Variants in LAMA4 observed in about 807,000 individuals in gnomAD.
LAMA4 encodes laminin subunit alpha-4.
Under a neutral mutation model 207.1 loss-of-function variants are expected in LAMA4, and 127 were observed. The ratio of observed to expected loss-of-function variants is 0.61; its 90% CI spans 0.53 to 0.71. The LOEUF is 0.71. Among genes scored for constraint, LAMA4 ranks in the 30% least tolerant of loss-of-function variants. The pLI is 0.00. For synonymous variants in LAMA4, 761 were observed against 816.0 expected, an observed-to-expected ratio of 0.93 and a Z score of 1.15; for missense variants, 2,093 against 2,246.5, an observed-to-expected ratio of 0.93 and a Z score of 1.38.
At chr6:112,218,524 C>G (rs535460894) in intron 2 of LAMA4, 24 of 152,210 alleles carry the variant, frequency 1.6e-4, no homozygotes, top group Non-Finnish European at 2.6e-4. Context: ...ATTGGGAGCC[C>G]ACAGAATATA....
chr6:112,253,750 G>A (rs1787632851), intron 2 of LAMA4: 1 of 1,613,664 alleles, frequency 6.2e-7, no homozygotes, highest in Non-Finnish European at 8.5e-7. Flanking sequence ...GACACATTCC[G>A]AAGCCTCAAC....
chr6:112,165,320 T>C (rs1554339645), intron 12 of LAMA4, 44 bp from the exon 13 acceptor site: 3 of 1,295,896 alleles, frequency 2.3e-6, no homozygotes, highest in Non-Finnish European at 3.4e-6. Flanking sequence ...AATATGTCTT[T>C]AGGGAAAGCG....
At chr6:112,112,438 A>G (rs1204398526) in intron 38 of LAMA4, among the ~76,000 whole-genome samples, 1 of 152,186 alleles carries the variant, frequency 6.6e-6, no homozygotes, top group Non-Finnish European at 1.5e-5. Flanking sequence ...CTTGCATGCT[A>G]TGGTGAATTT....
In LAMA4 at chr6:112,179,688, C is replaced by T. The variant is rs1782231690; in HGVS notation, c.1078-1456G>A. On this transcript the variant is annotated intron_variant, in intron 9 of 38. Coordinates refer to ENST00000230538, the MANE Select transcript of LAMA4 (RefSeq NM_001105206.3). Reference sequence around the variant, plus strand: ...ACGTTTTTACACTCTCCAGGAATAACCCAAGCAAGTGGCCCTCTCAGATGG... The same window carrying T: ...ACGTTTTTACACTCTCCAGGAATAATCCAAGCAAGTGGCCCTCTCAGATGG... 1.4e-5 allele frequency: 3 copies of T among 221,596 alleles called. No individual in the cohort carries two copies. In the South Asian group the frequency reaches 1.8e-4, roughly 13 times the overall value. 13.7% of individuals were successfully genotyped at this position (221,596 alleles called of 1,614,324 possible). A position where few individuals can be genotyped will look rare whatever the true frequency, so the allele number is the denominator to read the frequency against.
chr6:112,210,100 G>GT (rs1463414692), intron 3 of LAMA4, among the ~76,000 whole-genome samples: 1 of 151,914 alleles, frequency 6.6e-6, no homozygotes, highest in Non-Finnish European at 1.5e-5. Context: ...CATCATGATT[G>GT]TAAGTTTCCT....
chr6:112,131,013 T>C lies in LAMA4; in HGVS notation c.3923A>G (p.Asn1308Ser). 6.2e-7 allele frequency: 1 copy of C among 1,613,166 alleles called. No homozygotes were observed. The highest frequency in any genetic ancestry group is 1.1e-5 in the South Asian group (1 of 91,050). The change falls in exon 29 of 39, where the codon AAT becomes AGT. Residue 1308 changes from asparagine to serine, a missense_variant. Around this residue, in one of 3 missense-constraint regions of LAMA4, gnomAD observed 1,704 missense variants for 1,788.4 expected, o/e 0.95. Coordinates refer to ENST00000230538, the MANE Select transcript of LAMA4 (RefSeq NM_001105206.3). ...IKVQSVDKQY[N>S]DGLSHFVISS... ...AATGACGAAGTGGGACAGCCCATCA[T>C]TGTACTGCTTATCTACTGACTGAAC...
chr6:112,237,379 T>C (rs1786008659), intron 2 of LAMA4, among the ~76,000 whole-genome samples: 2 of 152,208 alleles, frequency 1.3e-5, no homozygotes, highest in African/African-American at 4.8e-5. Flanking sequence ...AGTAACATTT[T>C]GGAGACTAGT....
chr6:112,223,858 A>G (rs116511291), intron 2 of LAMA4, among the ~76,000 whole-genome samples: 3 of 152,212 alleles, frequency 2.0e-5, no homozygotes, highest in Admixed American at 1.3e-4. Flanking sequence ...CCAAACTTCT[A>G]TTGTACCCTC....
chr6:112,187,519 C>A lies in LAMA4; in HGVS notation c.897G>T (p.Leu299=), dbSNP rs1562709748. 6.2e-7 allele frequency: 1 copy of A among 1,614,132 alleles called. No homozygotes were observed. The highest frequency in any genetic ancestry group is 1.7e-5 in the Admixed American group (1 of 60,034). ...GAGCGGCGGCCCCAGAGGATACGCT[C>A]AGCACCCCGGATTTGCCTTCCTCGA... ...LSIEEGKSGV[L]SVSSGAAAHR... Residue 299 remains leucine (L), a synonymous_variant, in exon 8 of 39, where the codon CTG becomes CTT. Transcript: ENST00000230538.
intron 5 of LAMA4, among the ~76,000 whole-genome samples, chr6:112,196,880 G>T (rs1466554686): frequency 1.3e-5 from 2 of 152,186 alleles, no homozygotes; most frequent in Non-Finnish European, 2.9e-5. Flanking sequence ...ATGCCAGATA[G>T]TGTGCTGAGG....
In LAMA4 at chr6:112,119,219, C is replaced by T. The variant is rs1554325222; in HGVS notation, c.4758G>A (p.Trp1586Ter). Residue 1586 changes from tryptophan (W) to a stop codon, truncating the protein, a stop_gained, in exon 34 of 39, where the codon TGG becomes TGA. Coordinates refer to ENST00000230538, the MANE Select transcript of LAMA4 (RefSeq NM_001105206.3). LOFTEE classifies it high-confidence loss of function. ...EESLPPTEAT[W>*]KIKGPIYLGG... ...CCAAATAAATGGGACCCTTGATTTT[C>T]CAGGTAGCTTCAGTAGGAGGAAGAC... 1 of 1,614,016 alleles carries T rather than the reference C, an allele frequency of 6.2e-7. No homozygotes were observed. Among genetic ancestry groups the T allele is most frequent in the Non-Finnish European group, 8.5e-7 (1 of 1,179,926 alleles).
At chr6:112,200,287 A>G in intron 5 of LAMA4, 1 of 420,626 alleles carries the variant, frequency 2.4e-6, no homozygotes, top group South Asian at 1.8e-5. Context: ...AAAAAAGCTC[A>G]TCATCACTGG....
chr6:112,112,906 G>A lies in LAMA4; in HGVS notation c.5326+1170C>T, dbSNP rs1777787294. 2.0e-5 allele frequency among the ~76,000 whole-genome samples: 3 copies of A among 152,088 alleles called. No homozygotes were observed. In the South Asian group the frequency reaches 6.2e-4, roughly 32 times the overall value. On this transcript the variant is annotated intron_variant, in intron 38 of 38. Coordinates refer to ENST00000230538, the MANE Select transcript of LAMA4 (RefSeq NM_001105206.3). ...AGAAGATTATTAAAATCTCCACCAA[G>A]CCAAGCACAGAAAGACAAATATCAT...
chr6:112,229,314 C>G (rs1785411290), intron 2 of LAMA4, among the ~76,000 whole-genome samples: 1 of 152,096 alleles, frequency 6.6e-6, no homozygotes, highest in Non-Finnish European at 1.5e-5. Flanking sequence ...CCCTTGCTTT[C>G]CTCTCCTCCT....
At chr6:112,182,491 C>A (rs1782427592) in intron 9 of LAMA4, among the ~76,000 whole-genome samples, 1 of 152,212 alleles carries the variant, frequency 6.6e-6, no homozygotes, top group South Asian at 2.1e-4. Context: ...GCCAACTGTA[C>A]TTAATTTTCT....
intron 10 of LAMA4, among the ~76,000 whole-genome samples, chr6:112,177,658 G>C (rs1201669366): frequency 6.6e-6 from 1 of 152,174 alleles, no homozygotes; most frequent in African/African-American, 2.4e-5. Context: ...TTTTCTTCTG[G>C]GTTGGGGCCC....
chr6:112,206,677 T>C (rs1431386148), intron 4 of LAMA4, among the ~76,000 whole-genome samples: 1 of 152,192 alleles, frequency 6.6e-6, no homozygotes, highest in Non-Finnish European at 1.5e-5. Flanking sequence ...TATGATATTA[T>C]AATGAGTCTG....
chr6:112,251,136 G>A (rs768126172), intron 2 of LAMA4, among the ~76,000 whole-genome samples: 12 of 152,176 alleles, frequency 7.9e-5, no homozygotes, highest in Admixed American at 5.9e-4. Context: ...CAACTAGTAC[G>A]GAGTTACCCA....
At chr6:112,223,829 A>T (rs969449224) in intron 2 of LAMA4, among the ~76,000 whole-genome samples, 1 of 152,270 alleles carries the variant, frequency 6.6e-6, no homozygotes, top group Admixed American at 6.5e-5. Context: ...GTGAATTAAT[A>T]GGAAAAAATA....
Sources: gnomAD v4.1 joint callset for allele counts (sites outside exome capture counted in the v4.1 genomes callset) on GRCh38, gnomAD v4.1.1 for gene constraint, gnomAD v4.1.1 regional missense constraint, MANE v1.5 for transcripts, NCBI Gene and HGNC (gene_info 2026-07-23, HGNC 2026-07-21) for gene names.